DENND5A: variants seen among roughly 807,000 people sequenced by gnomAD.
DENND5A encodes the protein DENN domain-containing protein 5A.
DENND5A carries 64 observed loss-of-function variants against 140.3 expected under a neutral mutation model. That is an observed-to-expected ratio of 0.46 (90% CI 0.37 to 0.56). The LOEUF (loss-of-function observed/expected upper bound fraction) is 0.56. Among genes scored for constraint, DENND5A ranks in the 20% least tolerant of loss-of-function variants. The pLI, the probability that DENND5A is intolerant of heterozygous loss-of-function variation, is 0.00. For synonymous variants in DENND5A, 605 were observed against 607.7 expected (o/e 1.00, Z 0.07); for missense variants, 1,292 against 1,593.8 (o/e 0.81, Z 3.22).
intron 1 of DENND5A, among the ~76,000 whole-genome samples, chr11:9,244,928 T>C (rs994757463): frequency 7.3e-5 from 11 of 150,838 alleles, no homozygotes; most frequent in Admixed American, 2.0e-4. Context: ...CCACCCTCCT[T>C]GGCCTCCGAA....
At chr11:9,175,309 T>C (rs1303249424) in intron 8 of DENND5A, 1 of 152,158 alleles carries the variant, frequency 6.6e-6, no homozygotes, top group African/African-American at 2.4e-5. Flanking sequence ...ATATAAAACC[T>C]GTACCCTGAA....
chr11:9,166,334 C>T (rs1848192362), intron 10 of DENND5A, among the ~76,000 whole-genome samples: 1 of 152,132 alleles, frequency 6.6e-6, no homozygotes, highest in South Asian at 2.1e-4. Context: ...GCCTCAGTCT[C>T]CCAAAGTACT....
At chr11:9,166,455 A>T (rs761460196) in intron 10 of DENND5A, among the ~76,000 whole-genome samples, 1 of 152,154 alleles carries the variant, frequency 6.6e-6, no homozygotes, top group Non-Finnish European at 1.5e-5. Flanking sequence ...TAATTCTTGT[A>T]TTAAAGAGAA....
At position 9,265,192 on chromosome 11, in the gene DENND5A, C is replaced by A; in HGVS notation, c.-123G>T. 2.4e-6 allele frequency: 1 copy of A among 409,320 alleles called. No individual in the cohort carries two copies. Among genetic ancestry groups the A allele is most frequent in the South Asian group, 9.5e-5 (1 of 10,476 alleles). 25.4% of individuals were successfully genotyped at this position (409,320 alleles called of 1,614,324 possible). ...CCGCCGCTACCGCGGCTCGGGCCGC[C>A]GCCCCCGGCCCTGGCCCGGTCCCCT... On this transcript the variant is annotated 5_prime_UTR_variant, in exon 1 of 23. Transcript: ENST00000328194. This position sits in a 1 kb window ranked among gnomAD's most constrained non-coding sequence, Gnocchi z 4.7.
chr11:9,219,030 T>C (rs1850208503), intron 1 of DENND5A, among the ~76,000 whole-genome samples: 1 of 151,490 alleles, frequency 6.6e-6, no homozygotes, highest in Non-Finnish European at 1.5e-5. Flanking sequence ...AACAAATAAA[T>C]GAAATAAATT....
In DENND5A at chr11:9,178,164, A is replaced by C; in HGVS notation, c.1874T>G (p.Met625Arg). The part of the protein sequence containing the change: ...NVRTPTLRTS[M>R]YQKCTTVDEA... ...ATCCACAGTGGTACACTTCTGGTAC[A>C]TGGATGTACGGAGAGTAGGTGTCCG... Residue 625 changes from methionine (M) to arginine (R), a missense_variant, in exon 8 of 23, where the codon ATG (methionine) becomes AGG (arginine). Physicochemically the swap from Met to Arg is moderately conservative, Grantham distance 91. Transcript: ENST00000328194. 6 of 1,614,102 alleles carry C rather than the reference A, an allele frequency of 3.7e-6. No homozygotes were observed. The highest frequency in any genetic ancestry group is 5.1e-6 in the Non-Finnish European group (6 of 1,179,902).
At chr11:9,176,822 A>AG (rs1848559062) in intron 8 of DENND5A, 1 of 454,116 alleles carries the variant, frequency 2.2e-6, no homozygotes, top group Admixed American at 2.4e-5. Context: ...CATACTGTTC[A>AG]GGGTAACATT....
intron 1 of DENND5A, among the ~76,000 whole-genome samples, chr11:9,231,443 C>A (rs186391479): frequency 5.9e-5 from 9 of 151,786 alleles, no homozygotes; most frequent in Admixed American, 1.3e-4. Flanking sequence ...AGGCTGGGCG[C>A]GGTGGCTCAC....
intron 5 of DENND5A, among the ~76,000 whole-genome samples, chr11:9,190,103 T>C (rs1254639320): frequency 6.6e-6 from 1 of 152,238 alleles, no homozygotes; most frequent in Non-Finnish European, 1.5e-5. Context: ...ATGGCAATAT[T>C]TATCTAATGC....
At chr11:9,223,853 T>C (rs1850420554) in intron 1 of DENND5A, among the ~76,000 whole-genome samples, 1 of 152,240 alleles carries the variant, frequency 6.6e-6, no homozygotes, top group Non-Finnish European at 1.5e-5. Flanking sequence ...GATTGTTATT[T>C]AGAATCCTTT....
chr11:9,221,784 G>A (rs758476765), intron 1 of DENND5A, among the ~76,000 whole-genome samples: 8 of 152,082 alleles, frequency 5.3e-5, no homozygotes, highest in Non-Finnish European at 1.2e-4. Context: ...TTAAGATGGA[G>A]TCTTGCTCTG....
intron 11 of DENND5A, among the ~76,000 whole-genome samples, chr11:9,164,116 G>T (rs1367192149): frequency 1.0e-5 from 1 of 98,820 alleles, no homozygotes; most frequent in African/African-American, 4.0e-5. Context: ...CTGCAGCCTT[G>T]ACCTCCAGGG....
intron 1 of DENND5A, among the ~76,000 whole-genome samples, chr11:9,233,257 G>C (rs1850848078): frequency 6.6e-6 from 1 of 152,048 alleles, no homozygotes. Flanking sequence ...AAATTAACTG[G>C]ACATGGTGGT....
intron 16 of DENND5A, 34 bp downstream of exon 16, chr11:9,146,996 T>G (rs1028895679): frequency 6.2e-7 from 1 of 1,613,504 alleles, no homozygotes; most frequent in Non-Finnish European, 8.5e-7. Context: ...AAGACTGCCT[T>G]GAGAAGGCCA....
chr11:9,152,320 G>A, intron 13 of DENND5A, 38 bp downstream of exon 13: 1 of 1,441,748 alleles, frequency 6.9e-7, no homozygotes, highest in Middle Eastern at 1.7e-4. Flanking sequence ...TGGAAAAGTG[G>A]AGAGAGGGCA....
chr11:9,262,088 T>C (rs953424062), intron 1 of DENND5A, among the ~76,000 whole-genome samples: 1 of 152,216 alleles, frequency 6.6e-6, no homozygotes, highest in Non-Finnish European at 1.5e-5. Flanking sequence ...ACAGTAACAT[T>C]TCTTTTTTAA....
chr11:9,226,166 A>G (rs1850521107), intron 1 of DENND5A, among the ~76,000 whole-genome samples: 1 of 152,218 alleles, frequency 6.6e-6, no homozygotes, highest in Non-Finnish European at 1.5e-5. Context: ...TTATATCATT[A>G]ATAAGCTATT....
chr11:9,169,778 A>G (rs575529966), intron 10 of DENND5A, 78 bp downstream of exon 10: 119 of 947,092 alleles, frequency 1.3e-4, no homozygotes, highest in Non-Finnish European at 1.8e-4. Flanking sequence ...GAATCAGACC[A>G]GAGAACAGGA....
intron 1 of DENND5A, among the ~76,000 whole-genome samples, chr11:9,263,311 C>G (rs1270308407): frequency 6.6e-6 from 1 of 151,664 alleles, no homozygotes; most frequent in Non-Finnish European, 1.5e-5. Flanking sequence ...ACCTCCCCCT[C>G]CTGGGTTAAA....
Sources: allele counts gnomAD v4.1 joint callset (sites outside exome capture counted in the v4.1 genomes callset), GRCh38; gene constraint gnomAD v4.1.1; non-coding constraint Gnocchi (gnomAD v3.1); transcripts MANE v1.5; gene names NCBI Gene and HGNC (gene_info 2026-07-23, HGNC 2026-07-21).